The following SLC35F3 variants were observed in gnomAD, a reference collection of about 807,000 sequenced individuals.
SLC35F3 encodes putative thiamine transporter SLC35F3.
Under a neutral mutation model 49.9 loss-of-function variants are expected in SLC35F3, and 25 were observed. The observed-to-expected ratio is 0.50, with a 90% CI of 0.37 to 0.70. The LOEUF is 0.70. SLC35F3 is among the 30% of genes least tolerant of loss of function. The pLI, the probability that SLC35F3 is intolerant of heterozygous loss-of-function variation, is 0.00. For missense variants in SLC35F3, 525 were observed against 639.8 expected, an observed-to-expected ratio of 0.82 and a Z score of 1.94; for synonymous variants, 275 against 265.4, an observed-to-expected ratio of 1.04 and a Z score of -0.35.
intron 2 of SLC35F3, among the ~76,000 whole-genome samples, chr1:234,118,529 G>C (rs546565872): frequency 7.9e-5 from 12 of 152,198 alleles, no homozygotes; most frequent in Admixed American, 2.6e-4. Context: ...AGAAAGAGGA[G>C]GAGAGAGAGG....
intron 2 of SLC35F3, among the ~76,000 whole-genome samples, chr1:234,097,486 T>A (rs188104639): frequency 2.0e-4 from 31 of 152,178 alleles, no homozygotes; most frequent in Admixed American, 2.0e-3. Context: ...TCAGGGAAAT[T>A]AAGAGATAGC....
At chr1:233,909,564 T>C (rs72751788) in intron 2 of SLC35F3, among the ~76,000 whole-genome samples, 4,220 of 152,334 alleles carry the variant, frequency 0.028, 130 homozygotes, top group East Asian at 0.15. Flanking sequence ...CTTTCCTAGT[T>C]CTTCCATCAC....
intron 2 of SLC35F3, among the ~76,000 whole-genome samples, chr1:234,082,610 T>C (rs912749532): frequency 6.6e-6 from 1 of 152,206 alleles, no homozygotes; most frequent in African/African-American, 2.4e-5. Flanking sequence ...TTATTTGTAT[T>C]AGTATGTTTT....
rs914249522 is a variant in SLC35F3 at position 233,950,506 on chromosome 1, CCCTT to C, written c.283+44761_283+44764del. On this transcript the variant is annotated intron_variant, in intron 2 of 7. Transcript: ENST00000366618. ...CTTCCTTTCTCCCTCCCCACTTCCT[CCCTT>C]CCTTCCTTCCTTTTTCCTTCCTTCC... is the stretch of plus-strand genomic sequence containing the variant. 7.9e-5 allele frequency among the ~76,000 whole-genome samples: 11 copies of C among 139,326 alleles called. 1 individual carries two copies. The highest frequency in any genetic ancestry group is 2.3e-4 in the East Asian group (1 of 4,392). The allele number at this position is 139,326 out of a possible 152,430, so 91.4% of individuals were successfully genotyped here. A position where few individuals can be genotyped will look rare whatever the true frequency, so the allele number is the denominator to read the frequency against.
intron 2 of SLC35F3, among the ~76,000 whole-genome samples, chr1:233,927,100 T>C (rs968936714): frequency 6.6e-6 from 1 of 152,242 alleles, no homozygotes; most frequent in African/African-American, 2.4e-5. Context: ...TCATTTCTTT[T>C]CAGCATTGAA....
chr1:233,947,358 G>T (rs926479857), intron 2 of SLC35F3, among the ~76,000 whole-genome samples: 1 of 151,978 alleles, frequency 6.6e-6, no homozygotes. Context: ...GAGAGAGAGA[G>T]AGAGGAAGAA....
intron 2 of SLC35F3, among the ~76,000 whole-genome samples, chr1:234,023,690 G>C (rs1434519415): frequency 6.6e-6 from 1 of 151,962 alleles, no homozygotes; most frequent in African/African-American, 2.4e-5. Context: ...ACCGCCTCAG[G>C]CAAGTCATCA....
At chr1:233,907,412 C>T (rs1661794759) in intron 2 of SLC35F3, among the ~76,000 whole-genome samples, 1 of 152,150 alleles carries the variant, frequency 6.6e-6, no homozygotes. Flanking sequence ...AGAGAAGGGC[C>T]ATGTGGAAAT....
chr1:234,199,072 T>A (rs1288410509), intron 2 of SLC35F3, among the ~76,000 whole-genome samples: 3 of 136,380 alleles, frequency 2.2e-5, no homozygotes, highest in Non-Finnish European at 3.2e-5. Context: ...AAAAAAAAAA[T>A]TAAAAACTGG....
chr1:234,128,085 G>A (rs573947617), intron 2 of SLC35F3, among the ~76,000 whole-genome samples: 7 of 152,270 alleles, frequency 4.6e-5, no homozygotes, highest in East Asian at 1.9e-4. Context: ...TGCCGGCTGC[G>A]TCTTCAAAGT....
chr1:234,049,089 G>A (rs767489613), intron 2 of SLC35F3, among the ~76,000 whole-genome samples: 10 of 152,162 alleles, frequency 6.6e-5, no homozygotes, highest in Non-Finnish European at 1.3e-4. Flanking sequence ...AGACTTTAGA[G>A]TTGATGAGTT....
chr1:234,263,291 A>C (rs1468269474), intron 3 of SLC35F3, among the ~76,000 whole-genome samples: 1 of 152,180 alleles, frequency 6.6e-6, no homozygotes, highest in African/African-American at 2.4e-5. Context: ...TATGAATTTT[A>C]AAAGAACAAA....
chr1:233,914,076 G>T (rs979069690), intron 2 of SLC35F3, among the ~76,000 whole-genome samples: 19 of 152,082 alleles, frequency 1.2e-4, no homozygotes, highest in Admixed American at 1.2e-3. Flanking sequence ...CCCCTTAACT[G>T]CCCTGTACTA....
At chr1:234,150,493 G>C (rs1666060252) in intron 2 of SLC35F3, among the ~76,000 whole-genome samples, 1 of 152,110 alleles carries the variant, frequency 6.6e-6, no homozygotes, top group Non-Finnish European at 1.5e-5. Flanking sequence ...TAATCTCCAT[G>C]TAATGCTAAC....
intron 3 of SLC35F3, among the ~76,000 whole-genome samples, chr1:234,245,304 C>G (rs1399857940): frequency 6.6e-6 from 1 of 152,220 alleles, no homozygotes; most frequent in Admixed American, 6.5e-5. Flanking sequence ...TGATTTCATT[C>G]CTTTTTACAG....
intron 2 of SLC35F3, among the ~76,000 whole-genome samples, chr1:233,981,420 C>T (rs12066838): frequency 0.013 from 1,908 of 152,248 alleles, 43 homozygotes; most frequent in African/African-American, 0.043. Flanking sequence ...CGTATAATCT[C>T]ATCTTCTGAG....
At chr1:233,922,033 A>G (rs12410186) in intron 2 of SLC35F3, among the ~76,000 whole-genome samples, 69,138 of 152,000 alleles carry the variant, frequency 0.45, 16,726 homozygotes, top group Middle Eastern at 0.55. Context: ...TTCTTTATCC[A>G]GTCTATCATT....
At chr1:234,161,805 C>CA (rs1357094037) in intron 2 of SLC35F3, among the ~76,000 whole-genome samples, 8 of 151,904 alleles carry the variant, frequency 5.3e-5, no homozygotes. Context: ...GACCCCATCT[C>CA]AAAAAAATAT....
intron 2 of SLC35F3, among the ~76,000 whole-genome samples, chr1:233,945,724 G>A (rs778924076): frequency 2.0e-5 from 3 of 152,208 alleles, no homozygotes; most frequent in East Asian, 1.9e-4. Flanking sequence ...TAAGTCTCAC[G>A]AGATCTGATG....
Sources: gnomAD v4.1 joint callset for allele counts (sites outside exome capture counted in the v4.1 genomes callset) on GRCh38, gnomAD v4.1.1 for gene constraint, MANE v1.5 for transcripts, NCBI Gene and HGNC (gene_info 2026-07-23, HGNC 2026-07-21) for gene names.